Variants in MRTFA observed in about 807,000 individuals in gnomAD.
MRTFA encodes myocardin related transcription factor A, also known as myocardin-related transcription factor A.
MRTFA carries 20 observed loss-of-function variants against 83.5 expected under a neutral mutation model. The ratio of observed to expected loss-of-function variants is 0.24; its 90% CI spans 0.17 to 0.35. MRTFA has a LOEUF of 0.35. Among genes scored for constraint, MRTFA ranks in the 10% least tolerant of loss-of-function variants. MRTFA has a pLI of 1.00. For missense variants in MRTFA, 1,200 were observed against 1,224.7 expected, an observed-to-expected ratio of 0.98 and a Z score of 0.30; for synonymous variants, 659 against 541.2, an observed-to-expected ratio of 1.22 and a Z score of -3.02.
intron 2 of MRTFA, among the ~76,000 whole-genome samples, chr22:40,581,397 C>A (rs2147360446): frequency 6.6e-6 from 1 of 152,276 alleles, no homozygotes; most frequent in South Asian, 2.1e-4. Flanking sequence ...CATTCATCAC[C>A]TTCACAAAAT....
chr22:40,618,518 G>A (rs1042176883), intron 1 of MRTFA, among the ~76,000 whole-genome samples: 2 of 152,084 alleles, frequency 1.3e-5, no homozygotes. Context: ...CAAAGACCTG[G>A]CAGATGCAGG....
At chr22:40,482,903 G>A (rs941859783) in intron 3 of MRTFA, among the ~76,000 whole-genome samples, 2 of 152,094 alleles carry the variant, frequency 1.3e-5, no homozygotes, top group African/African-American at 4.8e-5. Flanking sequence ...GGTCAAGGTG[G>A]GAGGATTACT....
intron 2 of MRTFA, among the ~76,000 whole-genome samples, chr22:40,575,833 C>T (rs900368053): frequency 2.6e-5 from 4 of 151,988 alleles, no homozygotes; most frequent in African/African-American, 7.3e-5. Flanking sequence ...ATATTTATCC[C>T]GATGAGTATA....
intron 2 of MRTFA, among the ~76,000 whole-genome samples, chr22:40,557,648 G>C (rs966412385): frequency 3.9e-5 from 6 of 151,954 alleles, no homozygotes; most frequent in African/African-American, 1.5e-4. Flanking sequence ...ATTTTAAAAA[G>C]AAGGAAAAAA....
At chr22:40,519,699 A>AG in intron 3 of MRTFA, 5 of 969,726 alleles carry the variant, frequency 5.2e-6, no homozygotes, top group Non-Finnish European at 6.8e-6. Flanking sequence ...ACACCCACTC[A>AG]TGGGTTCTGA....
rs185673504 is a variant in MRTFA at position 40,524,140 on chromosome 22, A to T, written c.241+27966T>A. Among the ~76,000 whole-genome samples, 144 of 152,192 alleles carry T rather than the reference A, an allele frequency of 9.5e-4. No individual in the cohort carries two copies. The East Asian group carries it at 0.024, about 25-fold the overall frequency. ...GAAAACCTGTCTCTCATTAAAAAAA[A>T]TTTTTTTAGCTGGGCCTAGTGATGT... On this transcript the variant is annotated intron_variant, in intron 3 of 14. Transcript: ENST00000355630.
At chr22:40,438,529 T>G (rs2053213792) in intron 4 of MRTFA, among the ~76,000 whole-genome samples, 1 of 152,082 alleles carries the variant, frequency 6.6e-6, no homozygotes, top group African/African-American at 2.4e-5. Flanking sequence ...GTACAAAGGG[T>G]GGTGCACCAC....
At chr22:40,475,240 T>C (rs1361354282) in intron 3 of MRTFA, among the ~76,000 whole-genome samples, 1 of 152,106 alleles carries the variant, frequency 6.6e-6, no homozygotes, top group Non-Finnish European at 1.5e-5. Flanking sequence ...TGGCCCTGTC[T>C]TTAAGATACA....
At chr22:40,555,925 C>T (rs1027059422) in intron 2 of MRTFA, among the ~76,000 whole-genome samples, 5 of 152,094 alleles carry the variant, frequency 3.3e-5, no homozygotes, top group African/African-American at 1.2e-4. Context: ...AGGCGTGAGC[C>T]ACCATGCCCA....
At chr22:40,422,465 TGAGAAGA>T (rs2052861542) in intron 9 of MRTFA, among the ~76,000 whole-genome samples, 1 of 151,926 alleles carries the variant, frequency 6.6e-6, no homozygotes, top group Admixed American at 6.6e-5. Flanking sequence ...CTGCTGACAG[TGAGAAGA>T]GAATGCAGGT....
rs1297176201 is a variant in MRTFA at position 40,418,362 on chromosome 22, A to C, written c.2364+12T>G. ...CTCTGGGCCCTGCCCGGTTCCTCCC[A>C]TACCCAGGTACCTGCTGGGGGCTCC... is the stretch of plus-strand genomic sequence containing the variant. On this transcript the variant is annotated intron_variant, in intron 12 of 14. Transcript: ENST00000355630. 6.2e-7 allele frequency: 1 copy of C among 1,612,210 alleles called. No individual in the cohort carries two copies. The highest frequency in any genetic ancestry group is 1.7e-5 in the Admixed American group (1 of 59,654).
At chr22:40,419,443 C>G in intron 11 of MRTFA, 59 bp from the exon 12 acceptor site, 2 of 1,526,066 alleles carry the variant, frequency 1.3e-6, no homozygotes, top group Non-Finnish European at 1.8e-6. Flanking sequence ...GCACTGGGTC[C>G]AGGCAGAAGG....
At chr22:40,634,911 G>A (rs1402022589) in intron 1 of MRTFA, among the ~76,000 whole-genome samples, 1 of 152,134 alleles carries the variant, frequency 6.6e-6, no homozygotes, top group Non-Finnish European at 1.5e-5. Context: ...CACCTCTCTT[G>A]ATTTGACTCT....
rs1345637258 is a variant in MRTFA, at chr22:40,538,987, TTTG to T, written c.241+13116_241+13118del. Among the ~76,000 whole-genome samples the T allele has an allele frequency of 4.0e-4, 53 of 132,550 alleles. 11 individuals carry two copies. The highest frequency in any genetic ancestry group is 5.6e-4 in the Non-Finnish European group (35 of 62,974). The allele number at this position is 132,550 out of a possible 152,430, so 87.0% of individuals were successfully genotyped here. A position where few individuals can be genotyped will look rare whatever the true frequency, so the allele number is the denominator to read the frequency against. On this transcript the variant is annotated intron_variant, in intron 3 of 14. Transcript: ENST00000355630. The stretch of plus-strand genomic sequence containing the variant: ...CATTATACTGCAGGATACACAGCCT[TTTG>T]TTTTTTTTTTTTTTTTTTTTTTGAG...
intron 3 of MRTFA, among the ~76,000 whole-genome samples, chr22:40,545,662 A>G (rs2055351815): frequency 6.7e-6 from 1 of 149,518 alleles, no homozygotes; most frequent in Non-Finnish European, 1.5e-5. Flanking sequence ...CAAACTCCTG[A>G]CCTCAGGCGA....
intron 2 of MRTFA, among the ~76,000 whole-genome samples, chr22:40,590,139 T>C (rs2056098397): frequency 6.6e-6 from 1 of 152,186 alleles, no homozygotes; most frequent in South Asian, 2.1e-4. Context: ...TTTTAAACAC[T>C]GTTAGCCAGG....
At chr22:40,535,348 C>CTTTTTTTTTTTT in intron 3 of MRTFA, among the ~76,000 whole-genome samples, 1 of 107,124 alleles carries the variant, frequency 9.3e-6, no homozygotes, top group Non-Finnish European at 1.8e-5. Context: ...GAGGTTTTTT[C>CTTTTTTTTTTTT]TTTTTTTTTT....
At chr22:40,492,660 AAGGAGCTATAAC>A (rs2147204835) in intron 3 of MRTFA, among the ~76,000 whole-genome samples, 1 of 152,328 alleles carries the variant, frequency 6.6e-6, no homozygotes, top group East Asian at 1.9e-4. Context: ...AAAATGGAAC[AAGGAGCTATAAC>A]ACAACATTAT....
intron 12 of MRTFA, 110 bp from the exon 13 acceptor site, chr22:40,417,603 G>A: frequency 4.1e-6 from 3 of 727,536 alleles, no homozygotes; most frequent in Non-Finnish European, 6.6e-6. Flanking sequence ...CACTCTAGGA[G>A]GGAAGATGGG....
Sources: gnomAD v4.1 joint callset for allele counts (sites outside exome capture counted in the v4.1 genomes callset) on GRCh38, gnomAD v4.1.1 for gene constraint, MANE v1.5 for transcripts, NCBI Gene and HGNC (gene_info 2026-07-23, HGNC 2026-07-21) for gene names.